Variants in GLIS3 observed in about 807,000 individuals in gnomAD.
The protein encoded by GLIS3 is GLIS family zinc finger 3, also known as zinc finger protein GLIS3.
GLIS3 carries 53 observed loss-of-function variants against 78.6 expected under a neutral mutation model. The ratio of observed to expected loss-of-function variants is 0.67; its 90% CI spans 0.54 to 0.85. GLIS3 has a LOEUF of 0.85. Ranked by LOEUF, GLIS3 falls within the 40% of genes least tolerant of loss-of-function variation. The pLI, the probability that GLIS3 is intolerant of heterozygous loss-of-function variation, is 0.00. For missense variants in GLIS3, 1,703 were observed against 1,231.1 expected, an observed-to-expected ratio of 1.38 and a Z score of -5.74; for synonymous variants, 684 against 509.9, an observed-to-expected ratio of 1.34 and a Z score of -4.60.
chr9:3,837,751 G>A (rs758430977), intron 9 of GLIS3, among the ~76,000 whole-genome samples: 9 of 152,332 alleles, frequency 5.9e-5, no homozygotes, highest in East Asian at 1.9e-4. Context: ...GTATAAGTCC[G>A]TGGTTTCCAC....
the GLIS3 span, among the ~76,000 whole-genome samples, chr9:4,409,292 G>A: frequency 6.6e-6 from 1 of 152,178 alleles, no homozygotes; most frequent in African/African-American, 2.4e-5. Context: ...ATTATTTCAG[G>A]TTGACAAAGT....
At chr9:4,056,940 A>C (rs1279708865) in intron 4 of GLIS3, among the ~76,000 whole-genome samples, 1 of 149,858 alleles carries the variant, frequency 6.7e-6, no homozygotes, top group Non-Finnish European at 1.5e-5. Context: ...CAGGAAAAAA[A>C]GCCACAATAA....
intron 2 of GLIS3, among the ~76,000 whole-genome samples, chr9:4,194,584 G>A (rs903925524): frequency 1.2e-4 from 19 of 152,166 alleles, no homozygotes; most frequent in Non-Finnish European, 2.4e-4. Context: ...AACTCTGTGA[G>A]CTTTAATTCA....
intron 4 of GLIS3, among the ~76,000 whole-genome samples, chr9:4,109,696 C>T (rs896705050): frequency 6.6e-6 from 1 of 152,118 alleles, no homozygotes; most frequent in African/African-American, 2.4e-5. Context: ...TTTCCAATTC[C>T]TAAACATGAT....
chr9:4,368,423 C>G, the GLIS3 span, among the ~76,000 whole-genome samples: 1 of 151,576 alleles, frequency 6.6e-6, no homozygotes, highest in Non-Finnish European at 1.5e-5. Context: ...CTGCTCACTG[C>G]AAGCTCCGCT....
the GLIS3 span, among the ~76,000 whole-genome samples, chr9:4,398,828 A>G: frequency 6.6e-6 from 1 of 152,204 alleles, no homozygotes; most frequent in Non-Finnish European, 1.5e-5. Flanking sequence ...AGCTGGGATT[A>G]CAGGTGCCCA....
At chr9:3,877,950 G>A (rs1285780368) in intron 8 of GLIS3, among the ~76,000 whole-genome samples, 1 of 152,154 alleles carries the variant, frequency 6.6e-6, no homozygotes, top group African/African-American at 2.4e-5. Flanking sequence ...AGGATAAGGG[G>A]CAAATTCCTT....
At chr9:4,015,650 G>A (rs950084421) in intron 4 of GLIS3, among the ~76,000 whole-genome samples, 7 of 152,140 alleles carry the variant, frequency 4.6e-5, no homozygotes. Context: ...CACTTTGGGA[G>A]GCTGTGGCAG....
chr9:4,249,179 G>A (rs1366760764), intron 2 of GLIS3, among the ~76,000 whole-genome samples: 1 of 152,138 alleles, frequency 6.6e-6, no homozygotes, highest in Non-Finnish European at 1.5e-5. Context: ...ATAGCTTGAT[G>A]GGGATAGCAT....
chr9:4,121,958 G>A (rs981489399), intron 3 of GLIS3, among the ~76,000 whole-genome samples: 2 of 152,206 alleles, frequency 1.3e-5, no homozygotes, highest in African/African-American at 4.8e-5. Flanking sequence ...AGTGACAGCT[G>A]TATCATTATT....
At chr9:3,934,513 G>A (rs1351282227) in intron 5 of GLIS3, among the ~76,000 whole-genome samples, 2 of 151,396 alleles carry the variant, frequency 1.3e-5, no homozygotes, top group East Asian at 1.9e-4. Flanking sequence ...GAGTTTAAGC[G>A]ATTCTCCTGC....
chr9:4,155,413 C>T (rs979390130), intron 2 of GLIS3, among the ~76,000 whole-genome samples: 6 of 152,318 alleles, frequency 3.9e-5, no homozygotes, highest in East Asian at 1.9e-4. Context: ...GTGACCTGGC[C>T]GTGGCGTAGA....
At chr9:4,072,741 G>GT (rs35804084) in intron 4 of GLIS3, among the ~76,000 whole-genome samples, 24,475 of 149,476 alleles carry the variant, frequency 0.16, 3,569 homozygotes, top group African/African-American at 0.37. Flanking sequence ...AAAGAGAACT[G>GT]TTTTTTTTTG....
chr9:4,425,489 T>C, the GLIS3 span, among the ~76,000 whole-genome samples: 1 of 152,170 alleles, frequency 6.6e-6, no homozygotes, highest in Non-Finnish European at 1.5e-5. Context: ...AGTGTTGAAA[T>C]GATGTGACAA....
intron 2 of GLIS3, among the ~76,000 whole-genome samples, chr9:4,174,769 G>T (rs1456550846): frequency 6.6e-6 from 1 of 152,080 alleles, no homozygotes; most frequent in South Asian, 2.1e-4. Context: ...CAGGTTCGCG[G>T]GCTATATTCC....
intron 2 of GLIS3, among the ~76,000 whole-genome samples, chr9:4,341,200 G>A (rs1251886181): frequency 2.0e-5 from 3 of 152,192 alleles, no homozygotes; most frequent in African/African-American, 7.2e-5. Context: ...GACAAAACAA[G>A]ACTGCTCTCT....
At chr9:3,918,520 C>G (rs1824665928) in intron 6 of GLIS3, among the ~76,000 whole-genome samples, 1 of 152,154 alleles carries the variant, frequency 6.6e-6, no homozygotes, top group Non-Finnish European at 1.5e-5. Flanking sequence ...CTTATGGGAA[C>G]TAGGACTTAA....
rs529982541 is a variant in GLIS3, at chr9:4,010,281, A to C, written c.1711-73092T>G. On this transcript the variant is annotated intron_variant, in intron 4 of 10. Coordinates refer to ENST00000381971, the MANE Select transcript of GLIS3 (RefSeq NM_001042413.2). ...CTAGACATATAACCTTGGCCAAGTT[A>C]TTCGACCTGATGTGCTTCAGCGTTT... Among the ~76,000 whole-genome samples, 3 of 152,336 alleles carry C rather than the reference A, an allele frequency of 2.0e-5. No homozygotes were observed. The South Asian group carries it at 6.2e-4, about 32-fold the overall frequency.
chr9:3,886,033 A>C (rs1822050394), intron 7 of GLIS3, among the ~76,000 whole-genome samples: 3 of 152,238 alleles, frequency 2.0e-5, no homozygotes, highest in Admixed American at 2.0e-4. Flanking sequence ...CCTGAACGCC[A>C]GTCAAGTGCT....
Sources: allele counts gnomAD v4.1 joint callset (sites outside exome capture counted in the v4.1 genomes callset), GRCh38; gene constraint gnomAD v4.1.1; transcripts MANE v1.5; gene names NCBI Gene and HGNC (gene_info 2026-07-23, HGNC 2026-07-21).